RREB1: variants seen among roughly 807,000 people sequenced by gnomAD.
RREB1 encodes the protein ras responsive element binding protein 1.
Under a neutral mutation model 117.8 loss-of-function variants are expected in RREB1, and 27 were observed. The ratio of observed to expected loss-of-function variants is 0.23; its 90% CI spans 0.17 to 0.32. The LOEUF (loss-of-function observed/expected upper bound fraction) is 0.32. Among genes scored for constraint, RREB1 ranks in the 10% least tolerant of loss-of-function variants. The pLI, the probability that RREB1 is intolerant of heterozygous loss-of-function variation, is 1.00. For missense variants in RREB1, 2,577 were observed against 2,378.2 expected (o/e 1.08, Z -1.74); for synonymous variants, 1,298 against 1,026.7 (o/e 1.26, Z -5.05).
intron 1 of RREB1, among the ~76,000 whole-genome samples, chr6:7,171,358 C>G (rs977722784): frequency 1.2e-4 from 18 of 152,090 alleles, no homozygotes; most frequent in Non-Finnish European, 1.6e-4. Context: ...AAATGGAAAG[C>G]CAGGTGCAGA....
rs1769422599 is a variant in RREB1, at chr6:7,251,810, G to A, written c.*2842G>A. ...GGGAACTTAAAAACTGCTGCTACAT[G>A]TTATGTACAAAACTGGTTTATGCCA... On this transcript the variant is annotated 3_prime_UTR_variant, in exon 13 of 13. Transcript: ENST00000379938. 6.6e-6 allele frequency: 1 copy of A among 152,216 alleles called. No individual in the cohort carries two copies. Among genetic ancestry groups the A allele is most frequent in the African/African-American group, 2.4e-5 (1 of 41,442 alleles). 9.4% of individuals were successfully genotyped at this position (152,216 alleles called of 1,614,324 possible).
chr6:7,206,013 T>G (rs571813196), intron 6 of RREB1, among the ~76,000 whole-genome samples: 1 of 152,218 alleles, frequency 6.6e-6, no homozygotes, highest in Non-Finnish European at 1.5e-5. Flanking sequence ...TTGGGTGTTA[T>G]GAATAGGATA....
intron 10 of RREB1, among the ~76,000 whole-genome samples, chr6:7,237,223 T>G (rs1561803124): frequency 6.6e-6 from 1 of 151,980 alleles, no homozygotes; most frequent in Non-Finnish European, 1.5e-5. Context: ...GTAGCTGGGA[T>G]TACAGGTGCG....
chr6:7,137,072 G>A (rs992202363), intron 1 of RREB1, among the ~76,000 whole-genome samples: 2 of 152,214 alleles, frequency 1.3e-5, no homozygotes, highest in African/African-American at 2.4e-5. Context: ...CATCACCCAG[G>A]ATCTGGCGAC....
chr6:7,207,497 G>A (rs1159139255), intron 6 of RREB1, among the ~76,000 whole-genome samples: 1 of 152,122 alleles, frequency 6.6e-6, no homozygotes. Flanking sequence ...GGAATCGTGG[G>A]GATTGTGATT....
intron 6 of RREB1, among the ~76,000 whole-genome samples, chr6:7,204,828 C>A (rs1055462452): frequency 3.3e-5 from 5 of 152,216 alleles, no homozygotes; most frequent in Non-Finnish European, 7.3e-5. Flanking sequence ...ATGCAAATTA[C>A]ATACGGGGAG....
chr6:7,231,993 T>G (rs368898555), intron 10 of RREB1, 86 bp downstream of exon 10: 16 of 1,325,256 alleles, frequency 1.2e-5, no homozygotes, highest in Middle Eastern at 2.1e-4. Context: ...GAGACCCATC[T>G]CCCACAGTTC....
At chr6:7,112,454 T>C (rs1470022410) in intron 1 of RREB1, among the ~76,000 whole-genome samples, 4 of 152,160 alleles carry the variant, frequency 2.6e-5, no homozygotes, top group African/African-American at 4.8e-5. Flanking sequence ...TGTATTTTCT[T>C]TCTGTTTCTT....
chr6:7,206,236 A>AT (rs1371920309), intron 6 of RREB1, among the ~76,000 whole-genome samples: 2 of 152,248 alleles, frequency 1.3e-5, no homozygotes, highest in African/African-American at 4.8e-5. Context: ...ATACGAAAAC[A>AT]TTAACACATG....
At position 7,230,529 on chromosome 6, in the gene RREB1, C is replaced by T. The variant is rs774665327; in HGVS notation, c.2430C>T (p.Leu810=). 1 of 1,595,762 alleles carries T rather than the reference C, an allele frequency of 6.3e-7. No homozygotes were observed. The highest frequency in any genetic ancestry group is 8.5e-7 in the Non-Finnish European group (1 of 1,176,208). The change falls in exon 10 of 13, where the codon CTC becomes CTT. Residue 810 remains leucine (L), a synonymous_variant. Coordinates refer to ENST00000379938, the MANE Select transcript of RREB1 (RefSeq NM_001003699.4). The part of the protein sequence containing the change: ...AAKRNCIHHI[L]KQHLHVPEQD... Reference sequence around the variant, plus strand: ...AGCGCAACTGCATCCACCACATCCTCAAGCAGCACCTGCACGTGCCCGAGC... The same window carrying T: ...AGCGCAACTGCATCCACCACATCCTTAAGCAGCACCTGCACGTGCCCGAGC...
chr6:7,177,968 C>T (rs1448494581), intron 2 of RREB1, among the ~76,000 whole-genome samples: 2 of 152,164 alleles, frequency 1.3e-5, no homozygotes, highest in Non-Finnish European at 2.9e-5. Flanking sequence ...GGTGATCTGC[C>T]TACCCTGGCC....
At chr6:7,142,934 C>G (rs545576508) in intron 1 of RREB1, among the ~76,000 whole-genome samples, 1 of 152,332 alleles carries the variant, frequency 6.6e-6, no homozygotes, top group South Asian at 2.1e-4. Context: ...GGAGCATGAA[C>G]CAGTGGCTGG....
At chr6:7,155,187 C>G (rs1433518829) in intron 1 of RREB1, among the ~76,000 whole-genome samples, 1 of 152,172 alleles carries the variant, frequency 6.6e-6, no homozygotes, top group Admixed American at 6.5e-5. Flanking sequence ...TTTGATTCTT[C>G]TTTGGTCTTT....
chr6:7,171,399 G>A (rs986220129), intron 1 of RREB1, among the ~76,000 whole-genome samples: 1 of 152,200 alleles, frequency 6.6e-6, no homozygotes, highest in Non-Finnish European at 1.5e-5. Context: ...GATGCAGAGC[G>A]AGATTATTAG....
At position 7,229,021 on chromosome 6, in the gene RREB1, A is replaced by G. The variant is rs1372677707; in HGVS notation, c.922A>G (p.Arg308Gly). The G allele has an allele frequency of 6.5e-7, 1 of 1,533,824 alleles. No individual in the cohort carries two copies. The highest frequency in any genetic ancestry group is 8.8e-7 in the Non-Finnish European group (1 of 1,136,412). The change falls in exon 10 of 13, where the codon AGG becomes GGG. Residue 308 changes from arginine to glycine, a missense_variant. By Grantham distance (125) the Arg-to-Gly change is moderately radical (BLOSUM62 -2). Transcript: ENST00000379938. This position sits in a 1 kb window ranked among gnomAD's most constrained non-coding sequence, Gnocchi z 4.5. ...SQAWCETNLR[R>G]CISEQHRFVC... The stretch of plus-strand genomic sequence containing the variant: ...GGCCTGGTGCGAAACAAACCTGCGG[A>G]GGTGCATCAGCGAGCAACACCGTTT...
At chr6:7,203,839 T>G (rs1190640836) in intron 6 of RREB1, among the ~76,000 whole-genome samples, 1 of 152,154 alleles carries the variant, frequency 6.6e-6, no homozygotes, top group Non-Finnish European at 1.5e-5. Flanking sequence ...GAGCATGTGG[T>G]CTTTATAGAC....
At chr6:7,197,139 G>C (rs1353010458) in intron 6 of RREB1, among the ~76,000 whole-genome samples, 1 of 152,204 alleles carries the variant, frequency 6.6e-6, no homozygotes, top group Admixed American at 6.5e-5. Context: ...AAGCTGTGAA[G>C]AAATGATACT....
intron 1 of RREB1, among the ~76,000 whole-genome samples, chr6:7,160,011 A>G (rs1025951766): frequency 6.6e-6 from 1 of 152,202 alleles, no homozygotes; most frequent in African/African-American, 2.4e-5. Flanking sequence ...GATTGAGAGA[A>G]ACAATGCCTA....
chr6:7,229,459 A>G lies in RREB1; in HGVS notation c.1360A>G (p.Ile454Val). The G allele has an allele frequency of 6.2e-7, 1 of 1,614,162 alleles. No individual in the cohort carries two copies. Among genetic ancestry groups the G allele is most frequent in the Non-Finnish European group, 8.5e-7 (1 of 1,180,026 alleles). Residue 454 changes from isoleucine (I) to valine (V), a missense_variant, in exon 10 of 13, where the codon ATT becomes GTT. Coordinates refer to ENST00000379938, the MANE Select transcript of RREB1 (RefSeq NM_001003699.4). This position sits in a 1 kb window ranked among gnomAD's most constrained non-coding sequence, Gnocchi z 4.5. ...KGFIIQPDSSIVVKPISGESA... is the reference protein window; with the variant it reads ...KGFIIQPDSSVVVKPISGESA... Reference sequence around the variant, plus strand: ...CTTCATCATCCAGCCTGACAGCAGCATTGTGGTCAAGCCCATCTCTGGCGA... The same window carrying G: ...CTTCATCATCCAGCCTGACAGCAGCGTTGTGGTCAAGCCCATCTCTGGCGA...
Sources: allele counts gnomAD v4.1 joint callset (sites outside exome capture counted in the v4.1 genomes callset), GRCh38; gene constraint gnomAD v4.1.1; non-coding constraint Gnocchi (gnomAD v3.1); transcripts MANE v1.5; gene names NCBI Gene and HGNC (gene_info 2026-07-23, HGNC 2026-07-21).